TSPAN2: variants seen among roughly 807,000 people sequenced by gnomAD.
TSPAN2 encodes tetraspanin-2.
Under a neutral mutation model 33.3 loss-of-function variants are expected in TSPAN2, and 24 were observed. The ratio of observed to expected loss-of-function variants is 0.72; its 90% CI spans 0.52 to 1.01. TSPAN2 has a LOEUF of 1.01. Among genes scored for constraint, TSPAN2 ranks in the 50% least tolerant of loss-of-function variants. The probability of loss-of-function intolerance (pLI) is 0.00; values close to 1 mark genes in which losing one functional copy is unlikely to be tolerated. For synonymous variants in TSPAN2, 114 were observed against 104.5 expected, an observed-to-expected ratio of 1.09 and a Z score of -0.56; for missense variants, 278 against 281.3, an observed-to-expected ratio of 0.99 and a Z score of 0.08.
chr1:115,080,154 T>C (rs1648569144), intron 1 of TSPAN2, among the ~76,000 whole-genome samples: 1 of 152,228 alleles, frequency 6.6e-6, no homozygotes, highest in Non-Finnish European at 1.5e-5. Flanking sequence ...AATTTACATA[T>C]AGACAGTGGA....
chr1:115,077,515 T>C (rs926681626), intron 1 of TSPAN2, among the ~76,000 whole-genome samples: 1 of 152,184 alleles, frequency 6.6e-6, no homozygotes, highest in Admixed American at 6.5e-5. Context: ...TAAGCATATG[T>C]CTTTAGTGAA....
intron 4 of TSPAN2, among the ~76,000 whole-genome samples, chr1:115,060,050 G>A (rs1647652256): frequency 6.6e-6 from 1 of 152,156 alleles, no homozygotes; most frequent in Non-Finnish European, 1.5e-5. Context: ...CAGCAGTGTA[G>A]GCTCTGCTCT....
rs181388360 is a variant in TSPAN2 at position 115,080,348 on chromosome 1, A to G, written c.70-7341T>C. On this transcript the variant is annotated intron_variant, in intron 1 of 7. Coordinates refer to ENST00000369516, the MANE Select transcript of TSPAN2 (RefSeq NM_005725.6). The stretch of plus-strand genomic sequence containing the variant: ...GCCCAGGCTGGAGTGCAGTGGCCTG[A>G]TCACAGCTCACTGCAGTCTTGACCT... Among the ~76,000 whole-genome samples, 649 of 152,236 alleles carry G rather than the reference A, an allele frequency of 4.3e-3. 8 individuals carry two copies. The highest frequency in any genetic ancestry group is 0.015 in the African/African-American group (615 of 41,542).
intron 6 of TSPAN2, 128 bp downstream of exon 6, chr1:115,057,409 A>C: frequency 1.1e-6 from 1 of 876,646 alleles, no homozygotes; most frequent in South Asian, 1.4e-5. Flanking sequence ...ATTTTCCATC[A>C]ATCCTCTATG....
At chr1:115,065,441 C>T (rs890522367) in intron 2 of TSPAN2, among the ~76,000 whole-genome samples, 1 of 152,234 alleles carries the variant, frequency 6.6e-6, no homozygotes, top group Non-Finnish European at 1.5e-5. Context: ...AGCCCTCATG[C>T]TTTCCGAGTC....
intron 2 of TSPAN2, among the ~76,000 whole-genome samples, chr1:115,064,701 C>T (rs1252400477): frequency 2.0e-5 from 3 of 152,210 alleles, no homozygotes; most frequent in African/African-American, 7.2e-5. Flanking sequence ...TGTCATCACC[C>T]ATCTTTGCTT....
chr1:115,071,720 T>C (rs1234566265), intron 2 of TSPAN2, among the ~76,000 whole-genome samples: 1 of 152,232 alleles, frequency 6.6e-6, no homozygotes, highest in African/African-American at 2.4e-5. Context: ...TGGAATGTCC[T>C]TATTGTTATC....
intron 1 of TSPAN2, among the ~76,000 whole-genome samples, chr1:115,077,753 T>C (rs900211417): frequency 2.6e-5 from 4 of 152,220 alleles, no homozygotes; most frequent in African/African-American, 9.6e-5. Context: ...TGAGGACATA[T>C]TTTTTCATTT....
At chr1:115,073,121 G>T in intron 1 of TSPAN2, 114 bp from the exon 2 acceptor site, 1 of 841,234 alleles carries the variant, frequency 1.2e-6, no homozygotes, top group Non-Finnish European at 2.0e-6. Flanking sequence ...AAATCACTTA[G>T]ACCACCTTCC....
At chr1:115,074,155 C>T (rs755820) in intron 1 of TSPAN2, among the ~76,000 whole-genome samples, 29,294 of 152,066 alleles carry the variant, frequency 0.19, 3,378 homozygotes, top group East Asian at 0.41. Flanking sequence ...CACACACAGA[C>T]GCTGGGAACA....
intron 1 of TSPAN2, 129 bp downstream of exon 1, chr1:115,089,235 C>A: frequency 1.5e-6 from 1 of 668,634 alleles, no homozygotes; most frequent in East Asian, 3.4e-5. Flanking sequence ...CTCCTCGCCT[C>A]CGCGTTTGAG....
chr1:115,072,333 C>T (rs1482488246), intron 2 of TSPAN2, among the ~76,000 whole-genome samples: 1 of 152,164 alleles, frequency 6.6e-6, no homozygotes, highest in African/African-American at 2.4e-5. Context: ...TCCCTCCTCT[C>T]CCTCATTCTT....
chr1:115,087,615 CAAAAAA>C (rs58524726), intron 1 of TSPAN2, among the ~76,000 whole-genome samples: 1 of 92,214 alleles, frequency 1.1e-5, no homozygotes. Context: ...GACTCCGTCT[CAAAAAA>C]AAAAAAAAAA....
At chr1:115,088,850 T>G (rs572536500) in intron 1 of TSPAN2, among the ~76,000 whole-genome samples, 15 of 152,012 alleles carry the variant, frequency 9.9e-5, no homozygotes, top group African/African-American at 3.1e-4. Flanking sequence ...TATCTCCAAT[T>G]TCCTAAACAA....
At chr1:115,059,371 T>C (rs529503352) in intron 4 of TSPAN2, among the ~76,000 whole-genome samples, 2 of 152,332 alleles carry the variant, frequency 1.3e-5, no homozygotes, top group South Asian at 2.1e-4. Flanking sequence ...TAAGATGCTT[T>C]TGAGGATGGA....
chr1:115,087,542 G>GGA (rs926603038), intron 1 of TSPAN2, among the ~76,000 whole-genome samples: 1 of 151,104 alleles, frequency 6.6e-6, no homozygotes, highest in African/African-American at 2.4e-5. Flanking sequence ...CGTGCATCTG[G>GGA]GAGGTGGAGC....
intron 2 of TSPAN2, among the ~76,000 whole-genome samples, chr1:115,066,183 A>G (rs930489653): frequency 1.6e-4 from 25 of 152,172 alleles, no homozygotes; most frequent in African/African-American, 5.8e-4. Flanking sequence ...TATGTTGGCT[A>G]TTATGAAAAG....
chr1:115,078,067 C>T (rs1229414179), intron 1 of TSPAN2, among the ~76,000 whole-genome samples: 1 of 152,224 alleles, frequency 6.6e-6, no homozygotes, highest in Non-Finnish European at 1.5e-5. Flanking sequence ...GGTCCTGGCC[C>T]TCAGATGCTC....
Position 115,053,337 on chromosome 1 carries a change from C to T in TSPAN2, c.600+42G>A, listed in dbSNP as rs774670222. ...AGAAATAAGATGCAAAGTTTCAAGGCTTTTTAGAGGGCAAAAAGGGTAAGT... is the reference window on the plus strand; with the variant it reads ...AGAAATAAGATGCAAAGTTTCAAGGTTTTTTAGAGGGCAAAAAGGGTAAGT... On this transcript the variant is annotated intron_variant, in intron 7 of 7. Transcript: ENST00000369516. 9 of 1,572,116 alleles carry T rather than the reference C, an allele frequency of 5.7e-6. No individual in the cohort carries two copies. In the Admixed American group the frequency reaches 1.0e-4, roughly 18 times the overall value.
Sources: allele counts gnomAD v4.1 joint callset (sites outside exome capture counted in the v4.1 genomes callset), GRCh38; gene constraint gnomAD v4.1.1; transcripts MANE v1.5; gene names NCBI Gene and HGNC (gene_info 2026-07-23, HGNC 2026-07-21).